The following CNTN3 variants were observed in gnomAD, a reference collection of about 807,000 sequenced individuals.
CNTN3 encodes contactin-3.
Under a neutral mutation model 119.1 loss-of-function variants are expected in CNTN3, and 60 were observed. The observed-to-expected ratio is 0.50, with a 90% CI of 0.41 to 0.62. The LOEUF is 0.62. Ranked by LOEUF, CNTN3 falls within the 20% of genes least tolerant of loss-of-function variation. The probability of loss-of-function intolerance (pLI) is 0.00; values close to 1 mark genes in which losing one functional copy is unlikely to be tolerated. For missense variants in CNTN3, 1,101 were observed against 1,242.4 expected (o/e 0.89, Z 1.71); for synonymous variants, 450 against 438.7 (o/e 1.03, Z -0.32).
intron 1 of CNTN3, among the ~76,000 whole-genome samples, chr3:74,563,395 G>A (rs1264874126): frequency 1.3e-5 from 2 of 152,080 alleles, no homozygotes; most frequent in Non-Finnish European, 2.9e-5. Flanking sequence ...TACGTGGTAG[G>A]ATCCACAAAT....
intron 20 of CNTN3, among the ~76,000 whole-genome samples, chr3:74,272,154 A>C (rs1358249610): frequency 6.6e-6 from 1 of 152,186 alleles, no homozygotes; most frequent in South Asian, 2.1e-4. Context: ...GCTGCACATA[A>C]AATGCACTAA....
chr3:74,456,025 A>G (rs1702262180), intron 4 of CNTN3, among the ~76,000 whole-genome samples: 1 of 152,108 alleles, frequency 6.6e-6, no homozygotes, highest in Non-Finnish European at 1.5e-5. Flanking sequence ...TTAGAGCCAG[A>G]TGCCCTAAAA....
At chr3:74,504,839 A>G (rs1406007487) in intron 2 of CNTN3, among the ~76,000 whole-genome samples, 1 of 152,128 alleles carries the variant, frequency 6.6e-6, no homozygotes, top group East Asian at 1.9e-4. Context: ...GACCACTAAA[A>G]GCCCAAGAGG....
intron 4 of CNTN3, among the ~76,000 whole-genome samples, chr3:74,478,544 C>A (rs7429929): frequency 0.32 from 48,742 of 151,962 alleles, 10,420 homozygotes; most frequent in Non-Finnish European, 0.47. Context: ...GAGGTTTCTG[C>A]CCTCAAGGAA....
intron 2 of CNTN3, among the ~76,000 whole-genome samples, chr3:74,509,910 A>G (rs1036095279): frequency 2.0e-5 from 3 of 151,958 alleles, no homozygotes; most frequent in African/African-American, 7.3e-5. Context: ...TATTACATGT[A>G]CTTGTTTTTC....
chr3:74,565,225 T>G (rs1704209108), intron 1 of CNTN3, among the ~76,000 whole-genome samples: 1 of 152,172 alleles, frequency 6.6e-6, no homozygotes, highest in Admixed American at 6.5e-5. Context: ...TCTAGGCAAA[T>G]TCAAGGTGTC....
chr3:74,451,200 G>A (rs1373718297), intron 4 of CNTN3, among the ~76,000 whole-genome samples: 1 of 152,092 alleles, frequency 6.6e-6, no homozygotes, highest in Non-Finnish European at 1.5e-5. Flanking sequence ...TTTAATGATT[G>A]CCATTCTAAC....
intron 5 of CNTN3, among the ~76,000 whole-genome samples, chr3:74,391,793 G>C (rs1704913404): frequency 6.6e-6 from 1 of 151,966 alleles, no homozygotes; most frequent in African/African-American, 2.4e-5. Flanking sequence ...GAGTAGCTGG[G>C]ACTACGTTCG....
chr3:74,359,920 C>T (rs1704041996), intron 11 of CNTN3, among the ~76,000 whole-genome samples: 1 of 152,140 alleles, frequency 6.6e-6, no homozygotes, highest in Non-Finnish European at 1.5e-5. Context: ...TAGTTTGTGC[C>T]ACAAGCCTGT....
chr3:74,306,255 T>C (rs1409730460), intron 13 of CNTN3, among the ~76,000 whole-genome samples: 1 of 143,856 alleles, frequency 7.0e-6, no homozygotes, highest in Non-Finnish European at 1.5e-5. Flanking sequence ...TTAGTTGAAA[T>C]GGGATGAAAT....
intron 4 of CNTN3, among the ~76,000 whole-genome samples, chr3:74,474,931 C>T (rs1702628072): frequency 6.6e-6 from 1 of 152,280 alleles, no homozygotes; most frequent in Middle Eastern, 3.4e-3. Flanking sequence ...CCTGCTCCCT[C>T]TTCGCCTTCT....
intron 4 of CNTN3, among the ~76,000 whole-genome samples, chr3:74,455,152 C>T (rs997872434): frequency 6.6e-6 from 1 of 152,102 alleles, no homozygotes; most frequent in Non-Finnish European, 1.5e-5. Context: ...ACCAATCAGA[C>T]GTAGATTTGG....
At chr3:74,534,207 C>T (rs1266006676) in intron 1 of CNTN3, among the ~76,000 whole-genome samples, 2 of 152,004 alleles carry the variant, frequency 1.3e-5, no homozygotes, top group African/African-American at 2.4e-5. Context: ...GACCTTTTTA[C>T]CATGTGAAAT....
intron 4 of CNTN3, among the ~76,000 whole-genome samples, chr3:74,466,840 G>A (rs62268671): frequency 0.04 from 6,030 of 152,124 alleles, 148 homozygotes; most frequent in Non-Finnish European, 0.056. Context: ...TTGATTGTAC[G>A]TCATTATGTA....
intron 4 of CNTN3, among the ~76,000 whole-genome samples, chr3:74,467,919 G>T (rs1012917685): frequency 2.6e-5 from 4 of 152,122 alleles, no homozygotes; most frequent in Admixed American, 2.0e-4. Context: ...TCTTTCTGAG[G>T]TTCAAGAAAA....
At chr3:74,515,975 T>A (rs926924247) in intron 2 of CNTN3, among the ~76,000 whole-genome samples, 1 of 151,952 alleles carries the variant, frequency 6.6e-6, no homozygotes, top group Non-Finnish European at 1.5e-5. Context: ...CAATCGCTGA[T>A]AAGTATCAAC....
At chr3:74,311,378 T>A (rs1046269672) in intron 13 of CNTN3, among the ~76,000 whole-genome samples, 3 of 152,178 alleles carry the variant, frequency 2.0e-5, no homozygotes, top group Non-Finnish European at 2.9e-5. Flanking sequence ...GTAAAGTGCA[T>A]GATCTAAAAT....
chr3:74,341,282 C>T (rs1703538737), intron 11 of CNTN3, among the ~76,000 whole-genome samples: 2 of 152,152 alleles, frequency 1.3e-5, no homozygotes, highest in South Asian at 4.1e-4. Context: ...ATAACCCACG[C>T]TTCCCTACAG....
chr3:74,335,172 G>A (rs1424173366), intron 12 of CNTN3, among the ~76,000 whole-genome samples: 8 of 152,042 alleles, frequency 5.3e-5, no homozygotes, highest in African/African-American at 7.2e-5. Flanking sequence ...AATTAAAGTC[G>A]TGTAAACAAC....
Sources: allele counts gnomAD v4.1 joint callset (sites outside exome capture counted in the v4.1 genomes callset), GRCh38; gene constraint gnomAD v4.1.1; transcripts MANE v1.5; gene names NCBI Gene and HGNC (gene_info 2026-07-23, HGNC 2026-07-21).